PMF1: variants seen among roughly 807,000 people sequenced by gnomAD.
The protein encoded by PMF1 is polyamine modulated factor 1.
Under a neutral mutation model 26.7 loss-of-function variants are expected in PMF1, and 21 were observed. The ratio of observed to expected loss-of-function variants is 0.79; its 90% CI spans 0.56 to 1.13. The LOEUF (loss-of-function observed/expected upper bound fraction) is 1.13. PMF1 is among the 50% of genes most tolerant of loss of function. PMF1 has a pLI of 0.00. For missense variants in PMF1, 266 were observed against 254.9 expected, an observed-to-expected ratio of 1.04 and a Z score of -0.30; for synonymous variants, 105 against 101.0, an observed-to-expected ratio of 1.04 and a Z score of -0.24.
At position 156,236,453 on chromosome 1, in the gene PMF1, ACAGGTC is replaced by A; in HGVS notation, c.539_544del (p.Val180_Gln181del). On this transcript the variant is annotated inframe_deletion, in exon 4 of 5. Transcript: ENST00000368277. ...GGAGGCAGGTGGAGGAGCTGCAGCT[ACAGGTC>A]CAGGCCCAGCAGCAGGCCTGGCAGG... is the stretch of plus-strand genomic sequence containing the variant. 1 of 1,613,608 alleles carries A rather than the reference ACAGGTC, an allele frequency of 6.2e-7. No homozygotes were observed. The highest frequency in any genetic ancestry group is 8.5e-7 in the Non-Finnish European group (1 of 1,179,720).
At chr1:156,221,439 A>T (rs945183715) in intron 1 of PMF1, among the ~76,000 whole-genome samples, 1 of 152,178 alleles carries the variant, frequency 6.6e-6, no homozygotes, top group African/African-American at 2.4e-5. Flanking sequence ...TTATTCCTTC[A>T]TAGCACATAT....
intron 1 of PMF1, chr1:156,225,563 A>G: frequency 6.5e-7 from 1 of 1,541,966 alleles, no homozygotes; most frequent in Non-Finnish European, 8.8e-7. Context: ...TCAGCTCTCC[A>G]CTCCTTCATT....
At chr1:156,213,213 G>A in intron 1 of PMF1, 37 bp downstream of exon 1, 3 of 1,601,650 alleles carry the variant, frequency 1.9e-6, no homozygotes, top group Non-Finnish European at 2.6e-6. Context: ...GTGTTTGTTG[G>A]CACCGAAGCT....
At chr1:156,229,727 C>T (rs1345355347) in intron 1 of PMF1, among the ~76,000 whole-genome samples, 1 of 151,904 alleles carries the variant, frequency 6.6e-6, no homozygotes, top group Non-Finnish European at 1.5e-5. Context: ...TGCATCACCA[C>T]GCCCGGCTAA....
chr1:156,229,218 T>A (rs905959837), intron 1 of PMF1, among the ~76,000 whole-genome samples: 1 of 151,932 alleles, frequency 6.6e-6, no homozygotes, highest in Non-Finnish European at 1.5e-5. Flanking sequence ...TACTGTATTG[T>A]TTTTTAGGTA....
chr1:156,228,275 T>TTA (rs1658496599), intron 1 of PMF1, among the ~76,000 whole-genome samples: 1 of 143,938 alleles, frequency 6.9e-6, no homozygotes, highest in African/African-American at 2.6e-5. Flanking sequence ...TTTTTTTTTT[T>TTA]TTTTTTTTTT....
intron 1 of PMF1, chr1:156,224,092 A>G (rs1293386584): frequency 6.6e-6 from 1 of 152,246 alleles, no homozygotes; most frequent in Non-Finnish European, 1.5e-5. Flanking sequence ...TTTCAAAGGA[A>G]GAAGCTAAAC....
At chr1:156,232,490 T>TG in intron 2 of PMF1, 65 bp downstream of exon 2, 2 of 1,508,640 alleles carry the variant, frequency 1.3e-6, no homozygotes, top group Non-Finnish European at 1.8e-6. Context: ...GTCAGTCCCC[T>TG]GAGGGCAGTG....
chr1:156,238,270 A>T (rs1208879331), intron 4 of PMF1, among the ~76,000 whole-genome samples: 1 of 152,204 alleles, frequency 6.6e-6, no homozygotes, highest in African/African-American at 2.4e-5. Context: ...ATTGCCCAAT[A>T]TTTAAATAAC....
At chr1:156,233,376 C>G (rs556479609) in intron 2 of PMF1, among the ~76,000 whole-genome samples, 6 of 150,504 alleles carry the variant, frequency 4.0e-5, no homozygotes, top group South Asian at 2.1e-4. Flanking sequence ...AGGCTGGTCT[C>G]GAACTCCTGG....
At chr1:156,223,067 C>A (rs1658171809) in intron 1 of PMF1, among the ~76,000 whole-genome samples, 2 of 152,212 alleles carry the variant, frequency 1.3e-5, no homozygotes, top group Admixed American at 6.5e-5. Flanking sequence ...CTGGAAATAT[C>A]TCACCCTCTT....
At chr1:156,216,036 A>C (rs183841426) in intron 1 of PMF1, among the ~76,000 whole-genome samples, 1 of 152,258 alleles carries the variant, frequency 6.6e-6, no homozygotes, top group Non-Finnish European at 1.5e-5. Context: ...GAGATAAGGC[A>C]GTGATCAAGA....
rs571097908 is a variant in PMF1, at chr1:156,232,526, C to T, written c.267+101C>T. 91 of 1,135,954 alleles carry T rather than the reference C, an allele frequency of 8.0e-5. 1 individual carries two copies. The Middle Eastern group carries it at 1.9e-3, about 23-fold the overall frequency. 70.4% of individuals were successfully genotyped at this position (1,135,954 alleles called of 1,614,324 possible). A position where few individuals can be genotyped will look rare whatever the true frequency, so the allele number is the denominator to read the frequency against. ...GCCCCACCCTCTACACCTCTGTCTC[C>T]TCAGCCCCTAGAGCTGTCCTGGGTG... On this transcript the variant is annotated intron_variant, in intron 2 of 4. Coordinates refer to ENST00000368277, the MANE Select transcript of PMF1 (RefSeq NM_007221.4).
At chr1:156,236,539 C>G in intron 4 of PMF1, 56 bp downstream of exon 4, 1 of 1,527,968 alleles carries the variant, frequency 6.5e-7, no homozygotes, top group Non-Finnish European at 8.8e-7. Context: ...CTCTGAGATC[C>G]GCAAATTGGT....
chr1:156,236,250 C>A, intron 3 of PMF1, 38 bp from the exon 4 acceptor site: 1 of 1,576,540 alleles, frequency 6.3e-7, no homozygotes, highest in Non-Finnish European at 8.7e-7. Flanking sequence ...AAGGGCCTTC[C>A]GCCTCCTTCA....
chr1:156,216,744 C>A (rs1006840404), intron 1 of PMF1, among the ~76,000 whole-genome samples: 4 of 147,646 alleles, frequency 2.7e-5, no homozygotes, highest in East Asian at 3.9e-4. Context: ...GGCTCCGTGC[C>A]GTGCGTGTCA....
At chr1:156,233,511 C>A in intron 2 of PMF1, 117 bp from the exon 3 acceptor site, 2 of 959,682 alleles carry the variant, frequency 2.1e-6, no homozygotes, top group Non-Finnish European at 3.2e-6. Flanking sequence ...TCAGGGAAAG[C>A]ATAAAGACCT....
intron 1 of PMF1, among the ~76,000 whole-genome samples, chr1:156,214,540 C>T (rs886321831): frequency 2.0e-5 from 3 of 152,218 alleles, no homozygotes; most frequent in Admixed American, 6.5e-5. Context: ...GCATTCAATG[C>T]GTAGAGACGC....
At chr1:156,216,034 G>A (rs1657678087) in intron 1 of PMF1, among the ~76,000 whole-genome samples, 1 of 152,066 alleles carries the variant, frequency 6.6e-6, no homozygotes, top group South Asian at 2.1e-4. Flanking sequence ...TGGAGATAAG[G>A]CAGTGATCAA....
Sources: allele counts gnomAD v4.1 joint callset (sites outside exome capture counted in the v4.1 genomes callset), GRCh38; gene constraint gnomAD v4.1.1; transcripts MANE v1.5; gene names NCBI Gene and HGNC (gene_info 2026-07-23, HGNC 2026-07-21).